The following VPS13B variants were observed in gnomAD, a reference collection of about 807,000 sequenced individuals.
The protein encoded by VPS13B is intermembrane lipid transfer protein VPS13B.
Under a neutral mutation model 426.4 loss-of-function variants are expected in VPS13B, and 285 were observed. The observed-to-expected ratio is 0.67, with a 90% CI of 0.61 to 0.74. The LOEUF is 0.74. Among genes scored for constraint, VPS13B ranks in the 30% least tolerant of loss-of-function variants. VPS13B has a pLI of 0.00. For synonymous variants in VPS13B, 1,676 were observed against 1,676.4 expected, an observed-to-expected ratio of 1.00 and a Z score of 0.01; for missense variants, 4,537 against 4,782.6, an observed-to-expected ratio of 0.95 and a Z score of 1.51.
At chr8:99,750,597 A>G (rs1324610832) in intron 39 of VPS13B, among the ~76,000 whole-genome samples, 1 of 152,026 alleles carries the variant, frequency 6.6e-6, no homozygotes, top group Non-Finnish European at 1.5e-5. Context: ...CCTTTGTAGC[A>G]CTTCTGGAGA....
chr8:99,853,859 C>T lies in VPS13B; in HGVS notation c.10470C>T (p.Ile3490=). The stretch of plus-strand genomic sequence containing the variant: ...TCACCTTAAATGAAGGCAAGAGCAT[C>T]CTCTGTGATATTAATGAGTTCAGCT... ...LCITLNEGKS[I]LCDINEFSFE... is the part of the protein sequence containing the mutation. Residue 3490 remains isoleucine, a synonymous_variant, in exon 56 of 62, where the codon ATC becomes ATT. Coordinates refer to ENST00000357162, the MANE Select transcript of VPS13B (RefSeq NM_152564.5). 1 of 1,614,202 alleles carries T rather than the reference C, an allele frequency of 6.2e-7. No individual in the cohort carries two copies. The highest frequency in any genetic ancestry group is 1.1e-5 in the South Asian group (1 of 91,076).
chr8:99,415,637 C>T (rs775255164), intron 21 of VPS13B, among the ~76,000 whole-genome samples: 1 of 152,180 alleles, frequency 6.6e-6, no homozygotes, highest in Admixed American at 6.5e-5. Flanking sequence ...CTATTCCTTT[C>T]TGTTTGATAG....
intron 33 of VPS13B, among the ~76,000 whole-genome samples, chr8:99,585,544 A>C (rs1563810218): frequency 6.6e-6 from 1 of 152,214 alleles, no homozygotes; most frequent in Non-Finnish European, 1.5e-5. Flanking sequence ...AAAATCAATT[A>C]ACGTAAAGCA....
At chr8:99,517,378 T>C (rs1022113998) in intron 29 of VPS13B, among the ~76,000 whole-genome samples, 2 of 152,208 alleles carry the variant, frequency 1.3e-5, no homozygotes, top group Admixed American at 6.5e-5. Flanking sequence ...CATACACAAA[T>C]GTACATTCAT....
intron 3 of VPS13B, among the ~76,000 whole-genome samples, chr8:99,066,233 G>A (rs199710971): frequency 6.6e-6 from 1 of 152,196 alleles, no homozygotes; most frequent in Non-Finnish European, 1.5e-5. Flanking sequence ...GAGGTATCAC[G>A]CTACCTGACT....
chr8:99,820,658 A>G (rs1428947606), intron 49 of VPS13B, among the ~76,000 whole-genome samples: 1 of 152,160 alleles, frequency 6.6e-6, no homozygotes, highest in African/African-American at 2.4e-5. Context: ...GCAAAACAAA[A>G]TATCGCAGGA....
intron 33 of VPS13B, among the ~76,000 whole-genome samples, chr8:99,591,544 G>C (rs12678012): frequency 0.19 from 28,424 of 151,930 alleles, 3,251 homozygotes; most frequent in East Asian, 0.45. Context: ...TCAGGCAGAT[G>C]TGGTGGTGAC....
At chr8:99,832,941 T>C (rs747880381) in intron 52 of VPS13B, among the ~76,000 whole-genome samples, 3 of 152,170 alleles carry the variant, frequency 2.0e-5, no homozygotes, top group Non-Finnish European at 4.4e-5. Flanking sequence ...TGTATCATCA[T>C]ACAAATAGCA....
chr8:99,554,005 G>T (rs184969285), intron 30 of VPS13B, among the ~76,000 whole-genome samples: 1 of 151,852 alleles, frequency 6.6e-6, no homozygotes, highest in African/African-American at 2.4e-5. Context: ...ATGATGGCAG[G>T]AGAAACATAG....
intron 30 of VPS13B, among the ~76,000 whole-genome samples, chr8:99,556,177 TGA>T (rs1824551853): frequency 6.6e-6 from 1 of 152,080 alleles, no homozygotes; most frequent in Non-Finnish European, 1.5e-5. Flanking sequence ...ATCATGTATG[TGA>T]GAGTACTTAG....
intron 56 of VPS13B, among the ~76,000 whole-genome samples, chr8:99,858,883 C>T (rs1202950866): frequency 1.3e-5 from 2 of 152,150 alleles, no homozygotes; most frequent in Non-Finnish European, 2.9e-5. Flanking sequence ...CATCTGGCCG[C>T]CCCTGGCCAG....
chr8:99,192,577 A>G (rs536439566), intron 16 of VPS13B, among the ~76,000 whole-genome samples: 56 of 152,304 alleles, frequency 3.7e-4, no homozygotes, highest in African/African-American at 1.3e-3. Context: ...AAGAAGCACT[A>G]TTTTTATTTT....
At chr8:99,121,591 A>G (rs1010289406) in intron 8 of VPS13B, 146 bp downstream of exon 8, 39 of 1,450,932 alleles carry the variant, frequency 2.7e-5, no homozygotes, top group Middle Eastern at 2.5e-4. Context: ...ATAAAATTAC[A>G]TGGCTCCTCC....
At chr8:99,401,489 G>T (rs978757263) in intron 21 of VPS13B, among the ~76,000 whole-genome samples, 1 of 152,286 alleles carries the variant, frequency 6.6e-6, no homozygotes, top group East Asian at 1.9e-4. Flanking sequence ...GAGTGTTCCT[G>T]TTCCTTTGTA....
Position 99,861,783 on chromosome 8 carries a change from C to G in VPS13B, c.11052C>G (p.Leu3684=), listed in dbSNP as rs373428916. 194 of 1,594,150 alleles carry G rather than the reference C, an allele frequency of 1.2e-4. No individual in the cohort carries two copies. The highest frequency in any genetic ancestry group is 1.6e-4 in the Non-Finnish European group (184 of 1,170,380). Reference sequence around the variant, plus strand: ...ATGCTCTTGTTCCCTCAGGTACCCTCACATCCATCACCAACCTCGCCACAA... The same window carrying G: ...ATGCTCTTGTTCCCTCAGGTACCCTGACATCCATCACCAACCTCGCCACAA... ...SFVKHISKGT[L]TSITNLATSL... The change falls in exon 58 of 62, where the codon CTC becomes CTG. Residue 3684 remains leucine (L), a synonymous_variant. Coordinates refer to ENST00000357162, the MANE Select transcript of VPS13B (RefSeq NM_152564.5).
chr8:99,530,797 A>G, intron 30 of VPS13B, among the ~76,000 whole-genome samples: 1 of 152,124 alleles, frequency 6.6e-6, no homozygotes, highest in Non-Finnish European at 1.5e-5. Flanking sequence ...TTTTAGAAAT[A>G]AAATATTCAG....
intron 39 of VPS13B, among the ~76,000 whole-genome samples, chr8:99,741,944 AG>A (rs1381482027): frequency 6.6e-6 from 1 of 152,166 alleles, no homozygotes; most frequent in Non-Finnish European, 1.5e-5. Flanking sequence ...CACATTCAAA[AG>A]CTAGCAGAAG....
Position 99,111,212 on chromosome 8 carries a change from G to A in VPS13B, c.695G>A (p.Cys232Tyr). Residue 232 changes from cysteine to tyrosine, a missense_variant, in exon 6 of 62, where the codon TGT becomes TAT. Cys to Tyr is a radical substitution (Grantham distance 194, BLOSUM62 -2). This residue lies in a region of VPS13B where 226 missense variants were observed against 308.3 expected (regional missense o/e 0.73). Coordinates refer to ENST00000357162, the MANE Select transcript of VPS13B (RefSeq NM_152564.5). ...EFYQDPLLYK[C>Y]SFRTRLHFTY... ...TACCAGGATCCTTTATTATACAAAT[G>A]TTCCTTCAGAACTCGTCTTCATTTT... The A allele has an allele frequency of 6.2e-7, 1 of 1,602,752 alleles. No individual in the cohort carries two copies. Among genetic ancestry groups the A allele is most frequent in the Non-Finnish European group, 8.5e-7 (1 of 1,175,242 alleles).
intron 33 of VPS13B, among the ~76,000 whole-genome samples, chr8:99,630,667 G>T (rs1212427077): frequency 1.8e-4 from 27 of 148,048 alleles, no homozygotes; most frequent in Admixed American, 1.6e-3. Context: ...CTAGGTGCTA[G>T]GTGATAATGT....
Sources: gnomAD v4.1 joint callset for allele counts (sites outside exome capture counted in the v4.1 genomes callset) on GRCh38, gnomAD v4.1.1 for gene constraint, gnomAD v4.1.1 regional missense constraint, MANE v1.5 for transcripts, NCBI Gene and HGNC (gene_info 2026-07-23, HGNC 2026-07-21) for gene names.